Variants in UGT2A2 observed in about 807,000 individuals in gnomAD.
UGT2A2 encodes the protein UDP glucuronosyltransferase family 2 member A2.
UGT2A2 carries 60 observed loss-of-function variants against 50.7 expected under a neutral mutation model. That is an observed-to-expected ratio of 1.18 (90% confidence interval 0.96 to 1.47). The LOEUF (loss-of-function observed/expected upper bound fraction) is 1.47. UGT2A2 is among the 40% of genes most tolerant of loss of function. UGT2A2 has a pLI of 0.00. For missense variants in UGT2A2, 762 were observed against 634.0 expected, an observed-to-expected ratio of 1.20 and a Z score of -2.17; for synonymous variants, 242 against 214.6, an observed-to-expected ratio of 1.13 and a Z score of -1.11.
chr4:69,630,824 G>A (rs192520631), intron 1 of UGT2A2, among the ~76,000 whole-genome samples: 51 of 152,004 alleles, frequency 3.4e-4, no homozygotes, highest in African/African-American at 1.2e-3. Context: ...CAAGTCTCCA[G>A]CACACCCACA....
At chr4:69,610,428 G>A (rs943296014) in intron 1 of UGT2A2, among the ~76,000 whole-genome samples, 1 of 152,018 alleles carries the variant, frequency 6.6e-6, no homozygotes, top group Non-Finnish European at 1.5e-5. Flanking sequence ...GGTAATTTAA[G>A]CCTTTTTCCT....
intron 1 of UGT2A2, among the ~76,000 whole-genome samples, chr4:69,606,802 C>T (rs1170930155): frequency 7.3e-6 from 1 of 136,306 alleles, no homozygotes; most frequent in Non-Finnish European, 1.6e-5. Context: ...AGCCAAATCA[C>T]GAGTGAGCTC....
chr4:69,625,488 T>C (rs980119484), intron 1 of UGT2A2, among the ~76,000 whole-genome samples: 3 of 151,428 alleles, frequency 2.0e-5, no homozygotes, highest in Non-Finnish European at 4.4e-5. Context: ...TTTGTATAGT[T>C]TCTATTACTA....
intron 1 of UGT2A2, among the ~76,000 whole-genome samples, chr4:69,618,122 C>A (rs1431478938): frequency 6.6e-6 from 1 of 151,210 alleles, no homozygotes; most frequent in Non-Finnish European, 1.5e-5. Flanking sequence ...TATTTAGTAT[C>A]CGTGTACGTA....
chr4:69,601,565 C>G (rs1719297371), intron 1 of UGT2A2, among the ~76,000 whole-genome samples: 1 of 152,148 alleles, frequency 6.6e-6, no homozygotes. Flanking sequence ...ATGACCTCAG[C>G]TATCACTATT....
At chr4:69,625,703 T>C (rs1157086246) in intron 1 of UGT2A2, among the ~76,000 whole-genome samples, 3 of 151,460 alleles carry the variant, frequency 2.0e-5, no homozygotes, top group East Asian at 1.9e-4. Flanking sequence ...ATAGCACTTA[T>C]GTAAATTTAA....
chr4:69,618,300 A>T (rs1321789793), intron 1 of UGT2A2, among the ~76,000 whole-genome samples: 1 of 150,878 alleles, frequency 6.6e-6, no homozygotes, highest in East Asian at 2.0e-4. Flanking sequence ...AGTTCTCTTA[A>T]AAATGTTTTT....
chr4:69,605,072 T>C (rs894313944), intron 1 of UGT2A2, among the ~76,000 whole-genome samples: 1 of 136,876 alleles, frequency 7.3e-6, no homozygotes, highest in Admixed American at 7.2e-5. Context: ...CAAGTAGACC[T>C]AATACACATC....
chr4:69,601,661 A>T (rs995913088), intron 1 of UGT2A2, among the ~76,000 whole-genome samples: 1 of 152,146 alleles, frequency 6.6e-6, no homozygotes, highest in Non-Finnish European at 1.5e-5. Flanking sequence ...TGAGAAAGTC[A>T]ACATTGCTAA....
intron 1 of UGT2A2, among the ~76,000 whole-genome samples, chr4:69,612,836 A>C (rs1412863828): frequency 1.3e-5 from 2 of 151,744 alleles, no homozygotes; most frequent in Non-Finnish European, 2.9e-5. Context: ...CTTTTGGCTA[A>C]GTCCTCAAAA....
At chr4:69,615,864 A>AC (rs987095927) in intron 1 of UGT2A2, among the ~76,000 whole-genome samples, 2 of 151,922 alleles carry the variant, frequency 1.3e-5, no homozygotes, top group African/African-American at 4.8e-5. Context: ...TTCTCAAAAA[A>AC]CTAAAAATAA....
chr4:69,594,925 T>C (rs950271408), intron 4 of UGT2A2, among the ~76,000 whole-genome samples: 1 of 152,162 alleles, frequency 6.6e-6, no homozygotes, highest in Non-Finnish European at 1.5e-5. Flanking sequence ...AGATGATATC[T>C]GAACTGAAAA....
intron 1 of UGT2A2, among the ~76,000 whole-genome samples, chr4:69,630,629 A>C (rs969994373): frequency 2.0e-5 from 3 of 152,210 alleles, no homozygotes; most frequent in African/African-American, 7.2e-5. Flanking sequence ...CCCCAGAGGA[A>C]TGCAAGTTAA....
chr4:69,617,504 A>G (rs1720470986), intron 1 of UGT2A2, among the ~76,000 whole-genome samples: 1 of 151,978 alleles, frequency 6.6e-6, no homozygotes, highest in South Asian at 2.1e-4. Context: ...AGATGAACAC[A>G]CACAACATAT....
intron 1 of UGT2A2, among the ~76,000 whole-genome samples, chr4:69,628,618 C>T (rs1721219926): frequency 6.6e-6 from 1 of 150,834 alleles, no homozygotes; most frequent in African/African-American, 2.4e-5. Context: ...ATTCTTAAAA[C>T]TTAGAAAACA....
intron 1 of UGT2A2, among the ~76,000 whole-genome samples, chr4:69,625,985 T>G (rs1412423887): frequency 6.6e-6 from 1 of 151,594 alleles, no homozygotes; most frequent in Non-Finnish European, 1.5e-5. Context: ...ACAAGCTATT[T>G]ATAATAGCTG....
chr4:69,608,546 C>T (rs1447635892), intron 1 of UGT2A2, among the ~76,000 whole-genome samples: 2 of 150,184 alleles, frequency 1.3e-5, no homozygotes, highest in Admixed American at 6.7e-5. Context: ...TACATGTACC[C>T]TAAAACTTAA....
rs752007046 is a variant in UGT2A2 at position 69,639,296 on chromosome 4, A to G, written c.345T>C (p.Ala115=). 2 of 1,613,742 alleles carry G rather than the reference A, an allele frequency of 1.2e-6. No individual in the cohort carries two copies. Among genetic ancestry groups the G allele is most frequent in the South Asian group, 1.1e-5 (1 of 91,044 alleles). The change falls in exon 1 of 6, where the codon GCT becomes GCC. Residue 115 remains alanine, a synonymous_variant. Transcript: ENST00000604629. ...DHRPTPLTIW[A]FYKELGKLLD... ...GAAGTTTTCCTAGTTCTTTGTAGAAAGCCCATATTGTGAGAGGAGTTGGTC... is the reference window on the plus strand; with the variant it reads ...GAAGTTTTCCTAGTTCTTTGTAGAAGGCCCATATTGTGAGAGGAGTTGGTC...
intron 1 of UGT2A2, among the ~76,000 whole-genome samples, chr4:69,633,640 C>T (rs1477213081): frequency 6.6e-6 from 1 of 152,124 alleles, no homozygotes; most frequent in Non-Finnish European, 1.5e-5. Context: ...TATCTACATG[C>T]AACAACTTGT....
Sources: gnomAD v4.1 joint callset for allele counts (sites outside exome capture counted in the v4.1 genomes callset) on GRCh38, gnomAD v4.1.1 for gene constraint, MANE v1.5 for transcripts, NCBI Gene and HGNC (gene_info 2026-07-23, HGNC 2026-07-21) for gene names.